The following SMYD3 variants were observed in gnomAD, a reference collection of about 807,000 sequenced individuals.
SMYD3 encodes the protein SET and MYND domain containing 3.
A neutral mutation model predicts 57.7 loss-of-function variants in SMYD3; 36 were observed. The ratio of observed to expected loss-of-function variants is 0.62; its 90% CI spans 0.48 to 0.82. SMYD3 has a LOEUF of 0.82. SMYD3 is among the 40% of genes least tolerant of loss of function. The pLI is 0.00. For missense variants in SMYD3, 515 were observed against 538.8 expected (o/e 0.96, Z 0.44); for synonymous variants, 211 against 195.0 (o/e 1.08, Z -0.68).
At chr1:246,327,015 A>G in intron 5 of SMYD3, 186 bp downstream of exon 5, 2 of 646,808 alleles carry the variant, frequency 3.1e-6, no homozygotes, top group South Asian at 4.3e-5. Context: ...AAACAGAAAA[A>G]TTCATACCCT....
chr1:246,169,901 CAAA>C (rs35486805), intron 5 of SMYD3, among the ~76,000 whole-genome samples: 4 of 107,346 alleles, frequency 3.7e-5, no homozygotes. Flanking sequence ...AAGACTCTGC[CAAA>C]AAAAAAAAAA....
rs979583533 is a variant in SMYD3, at chr1:245,767,221, C to T, written c.1077-3072G>A. On this transcript the variant is annotated intron_variant, in intron 10 of 11. Transcript: ENST00000490107. The stretch of plus-strand genomic sequence containing the variant: ...TGATAGGATTGTCAAAAATAAAGAC[C>T]GGGATTAAGAGTCCAAAGTGAAGCA... Among the ~76,000 whole-genome samples the T allele has an allele frequency of 2.7e-5, 4 of 149,468 alleles. No individual in the cohort carries two copies. The East Asian group carries it at 5.8e-4, about 22-fold the overall frequency.
At chr1:245,833,574 C>T (rs1345110196) in intron 10 of SMYD3, among the ~76,000 whole-genome samples, 1 of 152,226 alleles carries the variant, frequency 6.6e-6, no homozygotes, top group East Asian at 1.9e-4. Context: ...AGCCACATGG[C>T]CTCACTTGTG....
intron 5 of SMYD3, among the ~76,000 whole-genome samples, chr1:246,263,265 T>C (rs1274651012): frequency 6.6e-6 from 1 of 152,202 alleles, no homozygotes; most frequent in African/African-American, 2.4e-5. Context: ...GCTGTTTCTG[T>C]ACTATAAAAT....
chr1:245,959,010 C>T (rs907239869), intron 5 of SMYD3, among the ~76,000 whole-genome samples: 2 of 152,112 alleles, frequency 1.3e-5, no homozygotes, highest in Non-Finnish European at 2.9e-5. Context: ...CAGGTTCAAG[C>T]GATTTTCACG....
chr1:246,344,674 G>A (rs957422752), intron 2 of SMYD3, among the ~76,000 whole-genome samples: 3 of 152,052 alleles, frequency 2.0e-5, no homozygotes, highest in African/African-American at 4.8e-5. Context: ...CAATGATAAC[G>A]CTTTACTTTC....
intron 10 of SMYD3, among the ~76,000 whole-genome samples, chr1:245,833,073 A>AAAAAAAAAAAAAAAAAAAAAAAAAAAC: frequency 2.3e-5 from 3 of 128,658 alleles, no homozygotes; most frequent in East Asian, 3.4e-4. Context: ...AAAAAAAAAA[A>AAAAAAAAAAAAAAAAAAAAAAAAAAAC]AACCTGCTTT....
chr1:246,486,639 G>A (rs2068192664), intron 1 of SMYD3, among the ~76,000 whole-genome samples: 1 of 152,140 alleles, frequency 6.6e-6, no homozygotes, highest in African/African-American at 2.4e-5. Flanking sequence ...GAGATTAAGT[G>A]ATTTGCCCAA....
At chr1:246,423,355 C>A (rs1295932486) in intron 1 of SMYD3, among the ~76,000 whole-genome samples, 1 of 150,934 alleles carries the variant, frequency 6.6e-6, no homozygotes, top group Non-Finnish European at 1.5e-5. Flanking sequence ...AAGTGCAGAA[C>A]AGAAGGTATT....
At position 246,496,014 on chromosome 1, in the gene SMYD3, G is replaced by A. The variant is rs139772683; in HGVS notation, c.164+11040C>T. On this transcript the variant is annotated intron_variant, in intron 1 of 11. Transcript: ENST00000490107. ...TTCCTTTTTATGTTGAAATATTTTC[G>A]TCAGTTTCTTGATTTTTTGTTGTTG... Among the ~76,000 whole-genome samples, 329 of 151,460 alleles carry A rather than the reference G, an allele frequency of 2.2e-3. 3 individuals are homozygous for A. The highest frequency in any genetic ancestry group is 7.5e-3 in the African/African-American group (311 of 41,268).
intron 1 of SMYD3, among the ~76,000 whole-genome samples, chr1:246,504,562 C>T (rs1203773113): frequency 6.6e-6 from 1 of 152,188 alleles, no homozygotes; most frequent in East Asian, 1.9e-4. Flanking sequence ...TGTCGTTATG[C>T]AGTGCATGAC....
chr1:245,861,733 C>G (rs1285496886), intron 9 of SMYD3, among the ~76,000 whole-genome samples: 1 of 152,224 alleles, frequency 6.6e-6, no homozygotes, highest in Non-Finnish European at 1.5e-5. Context: ...TGGTCACCTC[C>G]TCTGTGAAAT....
intron 5 of SMYD3, among the ~76,000 whole-genome samples, chr1:246,032,675 A>G (rs1213777672): frequency 6.6e-6 from 1 of 152,186 alleles, no homozygotes; most frequent in Non-Finnish European, 1.5e-5. Flanking sequence ...TGCTCTTTTG[A>G]GGAAAAAAAT....
At chr1:245,983,436 C>T (rs1164436115) in intron 5 of SMYD3, among the ~76,000 whole-genome samples, 3 of 152,296 alleles carry the variant, frequency 2.0e-5, no homozygotes, top group East Asian at 1.9e-4. Context: ...AGCTAAGAAA[C>T]GCATTTGATG....
chr1:246,448,270 C>T (rs954406640), intron 1 of SMYD3, among the ~76,000 whole-genome samples: 1 of 152,134 alleles, frequency 6.6e-6, no homozygotes, highest in Admixed American at 6.5e-5. Context: ...GATGCTGAAG[C>T]CACTATTCTG....
intron 5 of SMYD3, among the ~76,000 whole-genome samples, chr1:246,255,927 AAGATAGATAGATAGAT>A (rs55974041): frequency 1.6e-3 from 195 of 121,290 alleles, no homozygotes; most frequent in Middle Eastern, 7.6e-3. Context: ...CATAACTAAT[AAGATAGATAGATAGAT>A]AGATAGATAG....
chr1:246,422,984 G>A (rs1190543836), intron 1 of SMYD3, among the ~76,000 whole-genome samples: 2 of 152,218 alleles, frequency 1.3e-5, no homozygotes, highest in South Asian at 2.1e-4. Flanking sequence ...ATCACACAGT[G>A]GTAAGTGTTA....
At chr1:246,473,558 C>T (rs1288688142) in intron 1 of SMYD3, among the ~76,000 whole-genome samples, 1 of 152,176 alleles carries the variant, frequency 6.6e-6, no homozygotes. Context: ...TCTAATAGGC[C>T]TTGTTGGGTT....
intron 10 of SMYD3, among the ~76,000 whole-genome samples, chr1:245,786,764 T>C (rs1326476409): frequency 6.6e-6 from 1 of 151,528 alleles, no homozygotes. Context: ...TCTGCCAGCA[T>C]GGTTGTTTCA....
Sources: gnomAD v4.1 joint callset for allele counts (sites outside exome capture counted in the v4.1 genomes callset) on GRCh38, gnomAD v4.1.1 for gene constraint, MANE v1.5 for transcripts, NCBI Gene and HGNC (gene_info 2026-07-23, HGNC 2026-07-21) for gene names.